The following CLVS1 variants were observed in gnomAD, a reference collection of about 807,000 sequenced individuals.
CLVS1 encodes the protein clavesin-1.
CLVS1 carries 10 observed loss-of-function variants against 33.1 expected under a neutral mutation model. The ratio of observed to expected loss-of-function variants is 0.30; its 90% confidence interval spans 0.19 to 0.51. CLVS1 has a LOEUF of 0.51. Ranked by LOEUF, CLVS1 falls within the 20% of genes least tolerant of loss-of-function variation. The probability of loss-of-function intolerance (pLI) is 0.97; values close to 1 mark genes in which losing one functional copy is unlikely to be tolerated. For synonymous variants in CLVS1, 163 were observed against 166.1 expected, an observed-to-expected ratio of 0.98 and a Z score of 0.14; for missense variants, 343 against 433.4, an observed-to-expected ratio of 0.79 and a Z score of 1.85.
intron 1 of CLVS1, among the ~76,000 whole-genome samples, chr8:61,077,787 G>A (rs1405999661): frequency 6.6e-6 from 1 of 152,220 alleles, no homozygotes; most frequent in Non-Finnish European, 1.5e-5. Context: ...TCCCAGCACT[G>A]GGAGGAGCAC....
chr8:61,183,791 C>G (rs543005752), intron 2 of CLVS1, among the ~76,000 whole-genome samples: 1 of 152,084 alleles, frequency 6.6e-6, no homozygotes, highest in East Asian at 1.9e-4. Context: ...TCCCCCACCC[C>G]GAATGAGTAA....
At chr8:61,385,178 T>C (rs553451265) in intron 3 of CLVS1, among the ~76,000 whole-genome samples, 17 of 152,338 alleles carry the variant, frequency 1.1e-4, no homozygotes, top group Admixed American at 9.8e-4. Flanking sequence ...ATTAAGGGTC[T>C]TCAAATAGCT....
chr8:61,305,229 A>AT (rs1810577570), intron 2 of CLVS1, among the ~76,000 whole-genome samples: 1 of 151,896 alleles, frequency 6.6e-6, no homozygotes, highest in Non-Finnish European at 1.5e-5. Flanking sequence ...TATTGAGGTA[A>AT]AATATATATA....
At chr8:61,412,594 G>C (rs1294358457) in intron 3 of CLVS1, among the ~76,000 whole-genome samples, 1 of 152,218 alleles carries the variant, frequency 6.6e-6, no homozygotes, top group Non-Finnish European at 1.5e-5. Flanking sequence ...CGTGCTCTCA[G>C]GTATGCTGGC....
chr8:61,384,090 G>A lies in CLVS1; in HGVS notation c.630+7311G>A, dbSNP rs115436390. Reference sequence around the variant, plus strand: ...CTCAGCTGATACTTAGCAGGTAAGCGTGGAATAGTAAGTGAAGATGCAAGA... The same window carrying A: ...CTCAGCTGATACTTAGCAGGTAAGCATGGAATAGTAAGTGAAGATGCAAGA... On this transcript the variant is annotated intron_variant, in intron 3 of 5. Transcript: ENST00000325897. 9.1e-3 allele frequency among the ~76,000 whole-genome samples: 1,385 copies of A among 152,332 alleles called. 22 individuals carry two copies. Among genetic ancestry groups the A allele is most frequent in the African/African-American group, 0.026 (1,084 of 41,574 alleles).
chr8:61,174,436 AAAACAAAC>A lies in CLVS1; in HGVS notation c.-152+42604_-152+42611del, dbSNP rs144200333. ...GGGCAACAGAGTGAGACTGTCTCAA[AAAACAAAC>A]AAACAAACAAACAAACAAACAAACA... On this transcript the variant is annotated intron_variant, in intron 2 of 2. Transcript: ENST00000522621. Among the ~76,000 whole-genome samples, 216 of 150,668 alleles carry A rather than the reference AAAACAAAC, an allele frequency of 1.4e-3. 3 individuals carry two copies. The highest frequency in any genetic ancestry group is 4.0e-3 in the African/African-American group (163 of 40,904).
the CLVS1 span, among the ~76,000 whole-genome samples, chr8:61,030,113 G>A: frequency 6.6e-6 from 1 of 152,234 alleles, no homozygotes; most frequent in Non-Finnish European, 1.5e-5. Flanking sequence ...CACCCTGGTG[G>A]GGATGGCCAT....
At chr8:61,074,415 ATATGTG>A (rs1804865585) in intron 1 of CLVS1, among the ~76,000 whole-genome samples, 1 of 139,424 alleles carries the variant, frequency 7.2e-6, no homozygotes, top group African/African-American at 2.9e-5. Context: ...ATATATAAGT[ATATGTG>A]TATATATATA....
At chr8:61,232,041 T>TTTTTTTGTTTTGTTTTG (rs1554548397) in intron 2 of CLVS1, among the ~76,000 whole-genome samples, 5 of 116,006 alleles carry the variant, frequency 4.3e-5, no homozygotes, top group South Asian at 5.7e-4. Context: ...TTTTTTTTTT[T>TTTTTTTGTTTTGTTTTG]TTTTTTTTTG....
intron 3 of CLVS1, among the ~76,000 whole-genome samples, chr8:61,427,934 C>T (rs561104631): frequency 2.6e-5 from 4 of 152,326 alleles, no homozygotes; most frequent in South Asian, 2.1e-4. Flanking sequence ...TTCCTTCCTC[C>T]GCCCCTGGCA....
At chr8:61,036,710 T>A in the CLVS1 span, among the ~76,000 whole-genome samples, 1 of 152,250 alleles carries the variant, frequency 6.6e-6, no homozygotes, top group Non-Finnish European at 1.5e-5. Context: ...CACGGATCCC[T>A]CTATGTCTCA....
intron 2 of CLVS1, among the ~76,000 whole-genome samples, chr8:61,366,207 C>T (rs1260715995): frequency 1.3e-5 from 2 of 152,128 alleles, no homozygotes; most frequent in African/African-American, 4.8e-5. Context: ...CAGAGAGCTA[C>T]ATGAAATAAA....
chr8:61,279,284 A>C (rs1296344606), intron 2 of CLVS1, among the ~76,000 whole-genome samples: 2 of 152,186 alleles, frequency 1.3e-5, no homozygotes, highest in Non-Finnish European at 2.9e-5. Context: ...GGCGAAGGCC[A>C]TTCTTGGCCA....
At position 61,346,285 on chromosome 8, in the gene CLVS1, G is replaced by T. The variant is rs1812217150; in HGVS notation, c.456-30320G>T. Among the ~76,000 whole-genome samples the T allele has an allele frequency of 2.0e-5, 3 of 152,258 alleles. No individual in the cohort carries two copies. In the South Asian group the frequency reaches 6.2e-4, roughly 32 times the overall value. On this transcript the variant is annotated intron_variant, in intron 2 of 5. Coordinates refer to ENST00000325897, the MANE Select transcript of CLVS1 (RefSeq NM_173519.3). ...AGTGTCTTAGAAAAACTCCCCAGAGGTGAAGCCAGGGCTGAGAAGCACTGC... is the reference window on the plus strand; with the variant it reads ...AGTGTCTTAGAAAAACTCCCCAGAGTTGAAGCCAGGGCTGAGAAGCACTGC...
the CLVS1 span, among the ~76,000 whole-genome samples, chr8:61,035,783 A>C: frequency 6.6e-6 from 1 of 152,126 alleles, no homozygotes; most frequent in Admixed American, 6.5e-5. Flanking sequence ...AGTGAATGTA[A>C]ATCTTCCCCT....
At chr8:61,480,673 C>T (rs556935849) in intron 5 of CLVS1, among the ~76,000 whole-genome samples, 1 of 152,238 alleles carries the variant, frequency 6.6e-6, no homozygotes, top group Non-Finnish European at 1.5e-5. Flanking sequence ...TTCTGCGTCG[C>T]TTCTGCTGGG....
intron 2 of CLVS1, among the ~76,000 whole-genome samples, chr8:61,197,604 C>A (rs1807642958): frequency 6.6e-6 from 1 of 152,144 alleles, no homozygotes. Flanking sequence ...ACTGCAACCT[C>A]CACCTCCTGG....
At chr8:61,294,688 A>C (rs1037910992) in intron 1 of CLVS1, among the ~76,000 whole-genome samples, 1 of 152,180 alleles carries the variant, frequency 6.6e-6, no homozygotes, top group African/African-American at 2.4e-5. Flanking sequence ...ATACATATAC[A>C]TATTTTTAGA....
At chr8:61,444,596 A>G (rs1462124983) in intron 3 of CLVS1, among the ~76,000 whole-genome samples, 2 of 152,208 alleles carry the variant, frequency 1.3e-5, no homozygotes, top group African/African-American at 2.4e-5. Flanking sequence ...AGTAACTGCT[A>G]TGATAAGTTT....
Sources: gnomAD v4.1 joint callset for allele counts (sites outside exome capture counted in the v4.1 genomes callset) on GRCh38, gnomAD v4.1.1 for gene constraint, MANE v1.5 for transcripts, NCBI Gene and HGNC (gene_info 2026-07-23, HGNC 2026-07-21) for gene names.